Variants in NDUFS7 observed in about 807,000 individuals in gnomAD.
NDUFS7 encodes the protein NADH dehydrogenase [ubiquinone] iron-sulfur protein 7, mitochondrial.
Under a neutral mutation model 31.1 loss-of-function variants are expected in NDUFS7, and 11 were observed. That is an observed-to-expected ratio of 0.35 (90% CI 0.22 to 0.59). The LOEUF is 0.59. Ranked by LOEUF, NDUFS7 falls within the 20% of genes least tolerant of loss-of-function variation. The pLI is 0.79. For synonymous variants in NDUFS7, 136 were observed against 127.9 expected, an observed-to-expected ratio of 1.06 and a Z score of -0.43; for missense variants, 263 against 324.2, an observed-to-expected ratio of 0.81 and a Z score of 1.45.
At chr19:1,386,934 C>T (rs1215064945) in intron 1 of NDUFS7, 4 of 152,404 alleles carry the variant, frequency 2.6e-5, no homozygotes, top group Non-Finnish European at 4.4e-5. Flanking sequence ...CTGGATTCTT[C>T]CTTGTGAGCC....
chr19:1,388,425 T>C, intron 2 of NDUFS7, 100 bp from the exon 3 acceptor site: 1 of 1,110,276 alleles, frequency 9.0e-7, no homozygotes, highest in East Asian at 2.5e-5. Flanking sequence ...GTGAGAACAG[T>C]CTCGCAGCAG....
At chr19:1,387,455 G>A (rs1412243869) in intron 1 of NDUFS7, among the ~76,000 whole-genome samples, 1 of 152,144 alleles carries the variant, frequency 6.6e-6, no homozygotes, top group Non-Finnish European at 1.5e-5. Flanking sequence ...AGTGTGAGGC[G>A]GGGTGTCCCC....
chr19:1,389,241 GCA>G lies in NDUFS7; in HGVS notation c.228+307_228+308del, dbSNP rs573740456. The G allele has an allele frequency of 2.1e-4, 141 of 657,866 alleles. 3 individuals carry two copies. The highest frequency in any genetic ancestry group is 1.9e-3 in the South Asian group (123 of 65,558). The allele number at this position is 657,866 out of a possible 1,614,324, so 40.8% of individuals were successfully genotyped here. ...TACACACATGCACACTTGCACTCAT[GCA>G]CACTCATGCGCACATATACACATGC... On this transcript the variant is annotated intron_variant, in intron 4 of 7. Transcript: ENST00000233627.
chr19:1,392,171 G>A (rs910615634), intron 6 of NDUFS7: 3 of 150,248 alleles, frequency 2.0e-5, no homozygotes, highest in African/African-American at 7.4e-5. Context: ...TTATTTTTTA[G>A]AGACAGAGTC....
At chr19:1,392,706 A>G (rs2082565490) in intron 6 of NDUFS7, 1 of 180,414 alleles carries the variant, frequency 5.5e-6, no homozygotes, top group African/African-American at 2.4e-5. Flanking sequence ...ACAGTTAATT[A>G]GAATATTCCA....
intron 1 of NDUFS7, among the ~76,000 whole-genome samples, chr19:1,386,296 A>G (rs2082506911): frequency 6.6e-6 from 1 of 152,118 alleles, no homozygotes; most frequent in African/African-American, 2.4e-5. Context: ...TTGTTCTCAC[A>G]GTTCTGGGGG....
chr19:1,394,606 G>A (rs966689095), intron 7 of NDUFS7: 17 of 1,214,864 alleles, frequency 1.4e-5, no homozygotes, highest in African/African-American at 1.2e-4. Context: ...CCTGGGGACC[G>A]CGCCCCTCCC....
In NDUFS7 at chr19:1,393,976, C is replaced by T. The variant is rs190488451; in HGVS notation, c.544+646C>T. 1.4e-3 allele frequency: 337 copies of T among 246,522 alleles called. 2 individuals are homozygous for T. Among genetic ancestry groups the T allele is most frequent in the African/African-American group, 7.2e-3 (321 of 44,526 alleles). 15.3% of individuals were successfully genotyped at this position (246,522 alleles called of 1,614,324 possible). On this transcript the variant is annotated intron_variant, in intron 7 of 7. Transcript: ENST00000233627. The surrounding 1 kb of genome is among the most constrained non-coding windows in gnomAD (Gnocchi z 7.3). ...TCACGTGGTCCCACGAGGGCCATCC[C>T]CCCGGGCGTTCACCTTGACAGTGGT...
chr19:1,391,059 C>A lies in NDUFS7; in HGVS notation c.408+9C>A. 8 of 1,612,956 alleles carry A rather than the reference C, an allele frequency of 5.0e-6. No homozygotes were observed. The highest frequency in any genetic ancestry group is 6.8e-6 in the Non-Finnish European group (8 of 1,179,732). On this transcript the variant is annotated intron_variant, in intron 5 of 7. Transcript: ENST00000233627. ...CCCCAGCGCTTCGCAAGGTAGGCCT[C>A]GTCCCAGCCGCCCAGCCGCCCCCAG...
At chr19:1,391,491 T>C (rs1220836109) in intron 6 of NDUFS7, among the ~76,000 whole-genome samples, 4 of 149,358 alleles carry the variant, frequency 2.7e-5, no homozygotes, top group South Asian at 2.1e-4. Context: ...TTTTTCTTTT[T>C]TTTTTTTTTT....
intron 4 of NDUFS7, 190 bp from the exon 5 acceptor site, chr19:1,390,681 T>C (rs1724635975): frequency 4.8e-6 from 3 of 619,662 alleles, no homozygotes; most frequent in Non-Finnish European, 8.6e-6. Context: ...TGTATTTGAA[T>C]GTGGCTGGTG....
chr19:1,388,406 C>A, intron 2 of NDUFS7, 119 bp from the exon 3 acceptor site: 1 of 949,090 alleles, frequency 1.1e-6, no homozygotes, highest in Non-Finnish European at 1.6e-6. Context: ...CAAGTGTTGA[C>A]AGGCAGAGGT....
At position 1,394,266 on chromosome 19, in the gene NDUFS7, G is replaced by A. The variant is rs1190468404; in HGVS notation, c.544+936G>A. 1.7e-5 allele frequency: 16 copies of A among 939,590 alleles called. No homozygotes were observed. In the East Asian group the frequency reaches 9.3e-4, roughly 54 times the overall value. The allele number at this position is 939,590 out of a possible 1,614,324, so 58.2% of individuals were successfully genotyped here. A position where few individuals can be genotyped will look rare whatever the true frequency, so the allele number is the denominator to read the frequency against. ...CGGTTCAGGTCACCCCGGGGGCAGT[G>A]GAGAGGGCAGCCTGGGCCTCCCTGT... On this transcript the variant is annotated intron_variant, in intron 7 of 7. Transcript: ENST00000233627.
At chr19:1,388,625 C>T (rs1030902336) in intron 3 of NDUFS7, 32 bp downstream of exon 3, 9 of 1,596,522 alleles carry the variant, frequency 5.6e-6, no homozygotes, top group Non-Finnish European at 7.7e-6. Flanking sequence ...AGGTCGTACC[C>T]CCTCGCCCCA....
intron 1 of NDUFS7, among the ~76,000 whole-genome samples, chr19:1,384,844 C>G (rs1253160295): frequency 1.3e-5 from 2 of 152,212 alleles, no homozygotes; most frequent in South Asian, 4.1e-4. Context: ...CAGGGTCTGC[C>G]TCTGTCGCTC....
rs201859846 is a variant in NDUFS7, at chr19:1,392,688, A to C, written c.456-554A>C. On this transcript the variant is annotated intron_variant, in intron 6 of 7. Transcript: ENST00000233627. Reference sequence around the variant, plus strand: ...CACTGTGTGGACATATTACTAATCTAATTCTAAACAGTTAATTAGAATATT... The same window carrying C: ...CACTGTGTGGACATATTACTAATCTCATTCTAAACAGTTAATTAGAATATT... 18 of 175,072 alleles carry C rather than the reference A, an allele frequency of 1.0e-4. No homozygotes were observed. In the East Asian group the frequency reaches 2.7e-3, roughly 26 times the overall value. 10.8% of individuals were successfully genotyped at this position (175,072 alleles called of 1,614,324 possible). A position where few individuals can be genotyped will look rare whatever the true frequency, so the allele number is the denominator to read the frequency against.
At chr19:1,386,831 G>C (rs1435471799) in intron 1 of NDUFS7, 1 of 152,244 alleles carries the variant, frequency 6.6e-6, no homozygotes, top group Non-Finnish European at 1.5e-5. Flanking sequence ...ATCTCCAAAA[G>C]CAGTCACATT....
At chr19:1,384,151 G>T in intron 1 of NDUFS7, 3 of 574,896 alleles carry the variant, frequency 5.2e-6, no homozygotes, top group Non-Finnish European at 5.8e-6. Context: ...GGGAAACCGA[G>T]GCCCGGTAGG....
chr19:1,393,678 C>T lies in NDUFS7; in HGVS notation c.544+348C>T, dbSNP rs1402266932. The T allele has an allele frequency of 1.7e-6, 1 of 585,282 alleles. No individual in the cohort carries two copies. Among genetic ancestry groups the T allele is most frequent in the African/African-American group, 1.9e-5 (1 of 53,672 alleles). 36.3% of individuals were successfully genotyped at this position (585,282 alleles called of 1,614,324 possible). A position where few individuals can be genotyped will look rare whatever the true frequency, so the allele number is the denominator to read the frequency against. ...TTCCTGGGGGCCAAGGACACTGTCC[C>T]GCGCCCTCAGCCTTACAGAAGGGCA... On this transcript the variant is annotated intron_variant, in intron 7 of 7. Coordinates refer to ENST00000233627, the MANE Select transcript of NDUFS7 (RefSeq NM_024407.5). This position sits in a 1 kb window ranked among gnomAD's most constrained non-coding sequence, Gnocchi z 7.3.
Sources: gnomAD v4.1 joint callset for allele counts (sites outside exome capture counted in the v4.1 genomes callset) on GRCh38, gnomAD v4.1.1 for gene constraint, Gnocchi (gnomAD v3.1) non-coding constraint, MANE v1.5 for transcripts, NCBI Gene and HGNC (gene_info 2026-07-23, HGNC 2026-07-21) for gene names.